DCDC1: variants seen among roughly 807,000 people sequenced by gnomAD.
The protein encoded by DCDC1 is doublecortin domain containing 1, also known as doublecortin domain-containing protein 1.
In DCDC1, 200 loss-of-function variants were observed where a neutral mutation model predicts 178.3. The ratio of observed to expected loss-of-function variants is 1.12; its 90% CI spans 1.00 to 1.26. The LOEUF (loss-of-function observed/expected upper bound fraction) is 1.26. Among genes scored for constraint, DCDC1 ranks in the 50% most tolerant of loss-of-function variants. DCDC1 has a pLI of 0.00. For missense variants in DCDC1, 1,983 were observed against 1,749.2 expected, an observed-to-expected ratio of 1.13 and a Z score of -2.38; for synonymous variants, 690 against 604.8, an observed-to-expected ratio of 1.14 and a Z score of -2.07.
intron 9 of DCDC1, among the ~76,000 whole-genome samples, chr11:31,223,428 G>A (rs894934562): frequency 5.9e-5 from 9 of 152,136 alleles, no homozygotes; most frequent in African/African-American, 2.2e-4. Context: ...GCCATATAAT[G>A]TAAACAGACA....
chr11:30,963,834 A>C (rs1356940231), intron 20 of DCDC1, among the ~76,000 whole-genome samples: 1 of 152,130 alleles, frequency 6.6e-6, no homozygotes, highest in African/African-American at 2.4e-5. Flanking sequence ...CATTGGCCCC[A>C]GTCTTTTACA....
chr11:30,968,711 TTATA>T lies in DCDC1; in HGVS notation c.2592-16147_2592-16144del, dbSNP rs71451193. ...TATATCAAATTATATATATATCAAA[TTATA>T]TATATATATATATATATATATGGTT... On this transcript the variant is annotated intron_variant, in intron 20 of 38. Coordinates refer to ENST00000684477, the MANE Select transcript of DCDC1 (RefSeq NM_001387274.1). Among the ~76,000 whole-genome samples, 206 of 61,042 alleles carry T rather than the reference TTATA, an allele frequency of 3.4e-3. 13 individuals carry two copies. Among genetic ancestry groups the T allele is most frequent in the South Asian group, 0.011 (25 of 2,248 alleles). 40.0% of individuals were successfully genotyped at this position (61,042 alleles called of 152,430 possible). A position where few individuals can be genotyped will look rare whatever the true frequency, so the allele number is the denominator to read the frequency against.
intron 9 of DCDC1, among the ~76,000 whole-genome samples, chr11:31,209,288 C>A (rs1972222371): frequency 6.6e-6 from 1 of 152,128 alleles, no homozygotes; most frequent in Non-Finnish European, 1.5e-5. Context: ...TACGTTCCCT[C>A]CGAGGTAACA....
intron 20 of DCDC1, among the ~76,000 whole-genome samples, chr11:30,998,835 A>AAC (rs1290940686): frequency 6.6e-6 from 1 of 152,180 alleles, no homozygotes; most frequent in Non-Finnish European, 1.5e-5. Context: ...TCTAGCAAAT[A>AAC]GAGTACAGAA....
At chr11:31,285,164 T>A (rs1248056164) in intron 7 of DCDC1, among the ~76,000 whole-genome samples, 1 of 151,996 alleles carries the variant, frequency 6.6e-6, no homozygotes, top group Non-Finnish European at 1.5e-5. Flanking sequence ...GAAATTCACA[T>A]TAAATAATGA....
intron 21 of DCDC1, among the ~76,000 whole-genome samples, chr11:30,946,123 A>G (rs757860385): frequency 1.6e-4 from 24 of 152,258 alleles, no homozygotes; most frequent in Admixed American, 4.6e-4. Flanking sequence ...AGAGGTCCAC[A>G]GTGTCCATAT....
At chr11:31,139,028 G>A (rs1162633725) in intron 9 of DCDC1, among the ~76,000 whole-genome samples, 1 of 152,008 alleles carries the variant, frequency 6.6e-6, no homozygotes, top group African/African-American at 2.4e-5. Flanking sequence ...TAGGCTTTAT[G>A]GGGGTGGGGG....
At chr11:31,057,851 T>A (rs1006279131) in intron 20 of DCDC1, among the ~76,000 whole-genome samples, 1 of 152,102 alleles carries the variant, frequency 6.6e-6, no homozygotes, top group African/African-American at 2.4e-5. Context: ...CAAAAGCATA[T>A]CACCAGGGAG....
At chr11:31,085,038 C>A (rs560595758) in intron 17 of DCDC1, among the ~76,000 whole-genome samples, 67 of 151,832 alleles carry the variant, frequency 4.4e-4, no homozygotes, top group Admixed American at 7.9e-4. Context: ...ACTTTCCAAT[C>A]ACCTGCCATT....
intron 9 of DCDC1, among the ~76,000 whole-genome samples, chr11:31,213,238 G>A (rs572653168): frequency 2.7e-5 from 4 of 148,678 alleles, no homozygotes; most frequent in African/African-American, 7.5e-5. Context: ...ACCCCAGTCT[G>A]GTTGGATATT....
At chr11:31,190,059 G>T (rs1017580179) in intron 9 of DCDC1, among the ~76,000 whole-genome samples, 2 of 152,080 alleles carry the variant, frequency 1.3e-5, no homozygotes, top group African/African-American at 4.8e-5. Context: ...TGGAAATATT[G>T]AACCACTATT....
rs780923217 is a variant in DCDC1 at position 31,307,628 on chromosome 11, G to A, written c.434+11C>T. 6.2e-7 allele frequency: 1 copy of A among 1,613,488 alleles called. No individual in the cohort carries two copies. Among genetic ancestry groups the A allele is most frequent in the Admixed American group, 1.7e-5 (1 of 59,962 alleles). On this transcript the variant is annotated intron_variant, in intron 4 of 38. Transcript: ENST00000684477. The stretch of plus-strand genomic sequence containing the variant: ...AATAGGTTAAAAAGAACAGAGAACA[G>A]CTTTGATTACCTCAGTTGACCCACT...
At chr11:31,369,439 T>C (rs1952157113) in intron 1 of DCDC1, among the ~76,000 whole-genome samples, 2 of 151,998 alleles carry the variant, frequency 1.3e-5, no homozygotes, top group Admixed American at 1.3e-4. Context: ...GGGACGAGAG[T>C]GGCATCAGGT....
chr11:31,160,126 T>C (rs1565366264), intron 9 of DCDC1, among the ~76,000 whole-genome samples: 2 of 152,208 alleles, frequency 1.3e-5, no homozygotes, highest in Non-Finnish European at 2.9e-5. Flanking sequence ...TTACACTGAA[T>C]ATGTAAACAT....
rs535680955 is a variant in DCDC1, at chr11:31,092,807, G to A, written c.2118+1243C>T. Among the ~76,000 whole-genome samples, 87 of 152,180 alleles carry A rather than the reference G, an allele frequency of 5.7e-4. 1 individual carries two copies. The highest frequency in any genetic ancestry group is 9.3e-4 in the Non-Finnish European group (63 of 68,026). On this transcript the variant is annotated intron_variant, in intron 16 of 38. Transcript: ENST00000684477. Reference sequence around the variant, plus strand: ...CCTAGATACCATGTGTGACTTGTCTGCTGTCATATAGTTATTCAGTGGCAG... The same window carrying A: ...CCTAGATACCATGTGTGACTTGTCTACTGTCATATAGTTATTCAGTGGCAG...
Position 31,071,463 on chromosome 11 carries a change from G to C in DCDC1, c.2299-6310C>G, listed in dbSNP as rs150831908. Among the ~76,000 whole-genome samples, 303 of 152,206 alleles carry C rather than the reference G, an allele frequency of 2.0e-3. 1 individual carries two copies. Among genetic ancestry groups the C allele is most frequent in the African/African-American group, 7.0e-3 (291 of 41,528 alleles). Reference sequence around the variant, plus strand: ...GGATTTTGATAAATGTTGTCAAACTGACCTGCAGGAATATTGTGCCACTCT... The same window carrying C: ...GGATTTTGATAAATGTTGTCAAACTCACCTGCAGGAATATTGTGCCACTCT... On this transcript the variant is annotated intron_variant, in intron 18 of 38. Coordinates refer to ENST00000684477, the MANE Select transcript of DCDC1 (RefSeq NM_001387274.1).
chr11:31,153,791 C>CACACACACACAA (rs1422555198), intron 9 of DCDC1, among the ~76,000 whole-genome samples: 1 of 148,290 alleles, frequency 6.7e-6, no homozygotes, highest in African/African-American at 2.6e-5. Context: ...TTAAAACACA[C>CACACACACACAA]ACACACACAC....
chr11:30,984,556 C>T (rs1293634009), intron 20 of DCDC1, among the ~76,000 whole-genome samples: 2 of 152,150 alleles, frequency 1.3e-5, no homozygotes. Flanking sequence ...AGGTCATCTG[C>T]TGTGATTGTA....
At chr11:31,135,011 T>C (rs1397063142) in intron 10 of DCDC1, among the ~76,000 whole-genome samples, 3 of 152,112 alleles carry the variant, frequency 2.0e-5, no homozygotes, top group Admixed American at 2.0e-4. Context: ...TAAAAAAATT[T>C]TTAAAAAAAT....
Sources: allele counts gnomAD v4.1 joint callset (sites outside exome capture counted in the v4.1 genomes callset), GRCh38; gene constraint gnomAD v4.1.1; transcripts MANE v1.5; gene names NCBI Gene and HGNC (gene_info 2026-07-23, HGNC 2026-07-21).